The following KRAS variants were observed in gnomAD, a reference collection of about 807,000 sequenced individuals.
The protein encoded by KRAS is KRas proto-oncogene, GTPase, also known as GTPase KRas.
A neutral mutation model predicts 21.0 loss-of-function variants in KRAS; 1 was observed. The observed-to-expected ratio is 0.05, with a 90% CI of 0.02 to 0.23. KRAS has a LOEUF of 0.23. Among genes scored for constraint, KRAS ranks in the 10% least tolerant of loss-of-function variants. The pLI is 1.00. For synonymous variants in KRAS, 67 were observed against 72.5 expected, an observed-to-expected ratio of 0.92 and a Z score of 0.39; for missense variants, 107 against 221.8, an observed-to-expected ratio of 0.48 and a Z score of 3.29.
intron 2 of KRAS, among the ~76,000 whole-genome samples, chr12:25,237,539 T>C (rs1301258934): frequency 1.3e-5 from 2 of 152,134 alleles, no homozygotes; most frequent in African/African-American, 4.8e-5. Context: ...TTGATATACA[T>C]ACATGTCTGG....
chr12:25,225,500 AAT>A, intron 4 of KRAS, 112 bp downstream of exon 4: 1 of 1,072,312 alleles, frequency 9.3e-7, no homozygotes, highest in Non-Finnish European at 1.4e-6. Flanking sequence ...ACATTTACTA[AAT>A]ATTGTTTTAT....
chr12:25,218,551 A>G (rs1169487957), intron 4 of KRAS, among the ~76,000 whole-genome samples: 1 of 152,092 alleles, frequency 6.6e-6, no homozygotes, highest in African/African-American at 2.4e-5. Flanking sequence ...ACCATTTCTT[A>G]TTTTTAGTAA....
intron 4 of KRAS, chr12:25,210,861 GA>G (rs1448578354): frequency 2.0e-5 from 3 of 146,940 alleles, no homozygotes; most frequent in Admixed American, 1.4e-4. Context: ...TCTACAGTGT[GA>G]AAAATGGCAC....
rs755397559 is a variant in KRAS at position 25,245,264 on chromosome 12, C to A, written c.111+10G>T. The A allele has an allele frequency of 6.3e-7, 1 of 1,598,454 alleles. No homozygotes were observed. Among genetic ancestry groups the A allele is most frequent in the South Asian group, 1.1e-5 (1 of 89,022 alleles). ...TGCACCAGTAATATGCATATTAAAA[C>A]AAGATTTACCTCTATTGTTGGATCA... On this transcript the variant is annotated intron_variant, in intron 2 of 4. Coordinates refer to ENST00000311936, the MANE Select transcript of KRAS (RefSeq NM_004985.5).
At chr12:25,233,150 A>G (rs547831305) in intron 2 of KRAS, among the ~76,000 whole-genome samples, 5 of 152,144 alleles carry the variant, frequency 3.3e-5, no homozygotes, top group South Asian at 2.1e-4. Flanking sequence ...CTAGTCCATG[A>G]TAACTATTTT....
At chr12:25,246,532 T>C (rs564611262) in intron 1 of KRAS, among the ~76,000 whole-genome samples, 11 of 151,980 alleles carry the variant, frequency 7.2e-5, no homozygotes, top group Non-Finnish European at 1.0e-4. Flanking sequence ...CACTCCAGAT[T>C]GGGTGACGGA....
intron 4 of KRAS, among the ~76,000 whole-genome samples, chr12:25,222,921 AAG>A (rs1481994173): frequency 6.6e-6 from 1 of 152,194 alleles, no homozygotes; most frequent in Admixed American, 6.5e-5. Flanking sequence ...TGGGACTAAC[AAG>A]ACTCTTTTTA....
intron 4 of KRAS, among the ~76,000 whole-genome samples, chr12:25,218,088 T>C (rs931798171): frequency 1.3e-5 from 2 of 152,170 alleles, no homozygotes; most frequent in African/African-American, 4.8e-5. Context: ...GTTAAGATAC[T>C]TTCACAAATG....
chr12:25,241,040 A>C (rs189806991), intron 2 of KRAS, among the ~76,000 whole-genome samples: 1 of 152,296 alleles, frequency 6.6e-6, no homozygotes, highest in Non-Finnish European at 1.5e-5. Context: ...GCATGCAAAG[A>C]AGCTCAGAGA....
rs778913684 is a variant in KRAS, at chr12:25,205,257, TA to T, written c.*4537del. 33 of 214,954 alleles carry T rather than the reference TA, an allele frequency of 1.5e-4. No individual in the cohort carries two copies. Among genetic ancestry groups the T allele is most frequent in the Admixed American group, 4.1e-4 (7 of 17,136 alleles). 13.3% of individuals were successfully genotyped at this position (214,954 alleles called of 1,614,324 possible). On this transcript the variant is annotated 3_prime_UTR_variant, in exon 5 of 5. Coordinates refer to ENST00000311936, the MANE Select transcript of KRAS (RefSeq NM_004985.5). ...AATACACACTCATAGTCACTGTAAC[TA>T]TTTTTATTACATTACAATAATTAGG...
At chr12:25,219,636 C>T (rs1048461749) in intron 4 of KRAS, among the ~76,000 whole-genome samples, 1 of 152,162 alleles carries the variant, frequency 6.6e-6, no homozygotes, top group African/African-American at 2.4e-5. Flanking sequence ...CATGGAGGAA[C>T]AAGATGTATT....
At chr12:25,210,533 T>C (rs1951190827) in intron 4 of KRAS, 1 of 152,064 alleles carries the variant, frequency 6.6e-6, no homozygotes, top group Admixed American at 6.6e-5. Flanking sequence ...ATATTTATCA[T>C]TAAGAAAAAG....
Position 25,209,835 on chromosome 12 carries a change from T to G in KRAS, c.527A>C (p.Lys176Thr). ...CTTTGTCTTTGACTTCTTTTTCTTC[T>G]TTTTACCATCTTTGCTCATCTTTTC... Reference protein sequence around the residue: ...HKEKMSKDGKKKKKKSKTKCV... With the variant: ...HKEKMSKDGKTKKKKSKTKCV... Residue 176 changes from lysine (K) to threonine (T), a missense_variant, in exon 5 of 5, where the codon AAG becomes ACG. Around this residue, in one of 2 missense-constraint regions of KRAS, gnomAD observed 65 missense variants for 82.3 expected, o/e 0.79. Coordinates refer to ENST00000311936, the MANE Select transcript of KRAS (RefSeq NM_004985.5). The G allele has an allele frequency of 1.2e-6, 2 of 1,611,018 alleles. No homozygotes were observed. The highest frequency in any genetic ancestry group is 1.7e-6 in the Non-Finnish European group (2 of 1,177,708).
intron 4 of KRAS, among the ~76,000 whole-genome samples, chr12:25,211,793 A>G (rs1050304825): frequency 2.0e-5 from 3 of 152,228 alleles, no homozygotes; most frequent in African/African-American, 7.2e-5. Context: ...TTAAGCAAAC[A>G]GTAGGATAAA....
chr12:25,250,371 C>A (rs1951749426), intron 1 of KRAS, among the ~76,000 whole-genome samples: 1 of 152,044 alleles, frequency 6.6e-6, no homozygotes, highest in Admixed American at 6.5e-5. Flanking sequence ...CGGGGCGCCG[C>A]GGGAGTAACC....
chr12:25,225,432 G>C (rs979824665), intron 4 of KRAS, 182 bp downstream of exon 4: 33 of 559,744 alleles, frequency 5.9e-5, no homozygotes, highest in Middle Eastern at 5.0e-4. Context: ...AGAAACCAAA[G>C]CCAAAAGCAG....
At chr12:25,225,286 T>TTATTTTTATTTATATATA (rs1486092988) in intron 4 of KRAS, 1 of 10,624 alleles carries the variant, frequency 9.4e-5, no homozygotes, top group African/African-American at 4.6e-4. Flanking sequence ...GCCCTGTTCT[T>TTATTTTTATTTATATATA]TATATATATA....
chr12:25,237,813 G>A (rs995211046), intron 2 of KRAS, among the ~76,000 whole-genome samples: 15 of 152,064 alleles, frequency 9.9e-5, no homozygotes, highest in African/African-American at 3.6e-4. Flanking sequence ...TATACTACAC[G>A]CAGGCCAAAA....
At chr12:25,243,088 G>A (rs540210746) in intron 2 of KRAS, among the ~76,000 whole-genome samples, 1 of 151,940 alleles carries the variant, frequency 6.6e-6, no homozygotes, top group Non-Finnish European at 1.5e-5. Context: ...TGACCCACAC[G>A]GATTGGTAAA....
Sources: gnomAD v4.1 joint callset for allele counts (sites outside exome capture counted in the v4.1 genomes callset) on GRCh38, gnomAD v4.1.1 for gene constraint, gnomAD v4.1.1 regional missense constraint, MANE v1.5 for transcripts, NCBI Gene and HGNC (gene_info 2026-07-23, HGNC 2026-07-21) for gene names.